Variants in KDELR2 observed in about 807,000 individuals in gnomAD.
The protein encoded by KDELR2 is KDEL endoplasmic reticulum protein retention receptor 2, also known as ER lumen protein-retaining receptor 2.
In KDELR2, 15 loss-of-function variants were observed where a neutral mutation model predicts 23.9. The observed-to-expected ratio is 0.63, with a 90% CI of 0.42 to 0.97. The LOEUF is 0.97. KDELR2 is among the 50% of genes least tolerant of loss of function. The pLI, the probability that KDELR2 is intolerant of heterozygous loss-of-function variation, is 0.00. For missense variants in KDELR2, 272 were observed against 254.6 expected (o/e 1.07, Z -0.46); for synonymous variants, 119 against 106.2 (o/e 1.12, Z -0.74).
intron 1 of KDELR2, among the ~76,000 whole-genome samples, chr7:6,476,229 A>G (rs978811706): frequency 6.6e-5 from 10 of 152,218 alleles, no homozygotes; most frequent in Non-Finnish European, 1.3e-4. Flanking sequence ...ATAGAAATGG[A>G]AAAAAATGTT....
intron 2 of KDELR2, among the ~76,000 whole-genome samples, chr7:6,472,932 C>T (rs1307705825): frequency 4.2e-5 from 6 of 141,998 alleles, no homozygotes; most frequent in African/African-American, 1.6e-4. Flanking sequence ...CAGGATCCTG[C>T]TCTGTCACCC....
chr7:6,482,737 AATT>A, intron 1 of KDELR2: 2 of 259,900 alleles, frequency 7.7e-6, no homozygotes, highest in South Asian at 7.2e-5. Flanking sequence ...GTTCAACAAA[AATT>A]ATTTTGCCGA....
chr7:6,463,967 C>G (rs545380858), intron 4 of KDELR2, among the ~76,000 whole-genome samples: 9 of 121,838 alleles, frequency 7.4e-5, no homozygotes, highest in African/African-American at 2.2e-4. Context: ...GAGGCTGAGG[C>G]AGGAGGATCA....
At chr7:6,483,702 C>T (rs1291487605) in intron 1 of KDELR2, among the ~76,000 whole-genome samples, 1 of 152,210 alleles carries the variant, frequency 6.6e-6, no homozygotes, top group African/African-American at 2.4e-5. Flanking sequence ...AGCAGGGCCC[C>T]GCGCAGCCGG....
chr7:6,464,230 A>T (rs1370175290), intron 4 of KDELR2, among the ~76,000 whole-genome samples: 6 of 104,588 alleles, frequency 5.7e-5, no homozygotes, highest in Middle Eastern at 6.9e-3. Context: ...AAAAAAAAAA[A>T]AAAAAAAAAG....
chr7:6,464,941 G>C (rs1265471311), intron 4 of KDELR2, among the ~76,000 whole-genome samples: 1 of 151,700 alleles, frequency 6.6e-6, no homozygotes, highest in African/African-American at 2.4e-5. Flanking sequence ...TCGCCATGTT[G>C]GTCAGGCTAG....
rs200179757 is a variant in KDELR2, at chr7:6,469,604, G to A, written c.343C>T (p.Pro115Ser). ...LSFLVNHDFS[P>S]LEILWTFSIY... is the part of the protein sequence containing the mutation. ...TAACCTTTTAAACTAACCTCAAGAG[G>A]AGAGAAATCGTGATTAACTAAAAAT... The change falls in exon 3 of 5, where the codon CCT becomes TCT. Residue 115 changes from proline (P) to serine (S), a missense_variant. By Grantham distance (74) the Pro-to-Ser change is moderately conservative (BLOSUM62 -1). Transcript: ENST00000258739. 220 of 1,613,718 alleles carry A rather than the reference G, an allele frequency of 1.4e-4. 1 individual carries two copies. The highest frequency in any genetic ancestry group is 1.7e-4 in the Non-Finnish European group (206 of 1,179,932).
In KDELR2 at chr7:6,466,452, GAAC is replaced by G. The variant is rs1044480939; in HGVS notation, c.352-132_352-130del. ...GAGTGGGGCATGTCGGCCCAAAATA[GAAC>G]AACAGCTTGGCAACTGCATAACCCA... On this transcript the variant is annotated intron_variant, in intron 3 of 4. Coordinates refer to ENST00000258739, the MANE Select transcript of KDELR2 (RefSeq NM_006854.4). 124 of 1,121,048 alleles carry G rather than the reference GAAC, an allele frequency of 1.1e-4. No individual in the cohort carries two copies. In the Admixed American group the frequency reaches 1.8e-3, roughly 17 times the overall value. 69.4% of individuals were successfully genotyped at this position (1,121,048 alleles called of 1,614,324 possible). A position where few individuals can be genotyped will look rare whatever the true frequency, so the allele number is the denominator to read the frequency against.
In KDELR2 at chr7:6,466,251, C is replaced by T. The variant is rs1248611012; in HGVS notation, c.424G>A (p.Gly142Arg). The change falls in exon 4 of 5, where the codon GGG becomes AGG. Residue 142 changes from glycine to arginine, a missense_variant. Gly to Arg is a moderately radical substitution (Grantham distance 125). Transcript: ENST00000258739. ...TGGGTGGTGATGGTCTCGGCCTCCC[C>T]AGTCTTGCTGATCATAAATAGCTGC... ...LPQLFMISKT[G>R]EAETITTHYL... is the part of the protein sequence containing the mutation. The T allele has an allele frequency of 1.9e-6, 3 of 1,614,080 alleles. No individual in the cohort carries two copies. Among genetic ancestry groups the T allele is most frequent in the Non-Finnish European group, 2.5e-6 (3 of 1,179,982 alleles).
chr7:6,481,716 G>A (rs1278516797), intron 1 of KDELR2, among the ~76,000 whole-genome samples: 1 of 151,924 alleles, frequency 6.6e-6, no homozygotes, highest in Non-Finnish European at 1.5e-5. Context: ...TGAGACATCG[G>A]TCCCACTGTT....
intron 4 of KDELR2, among the ~76,000 whole-genome samples, chr7:6,465,332 C>T (rs956123199): frequency 1.3e-4 from 19 of 151,804 alleles, no homozygotes. Flanking sequence ...TACAGGCGCC[C>T]ACCACCACGC....
In KDELR2 at chr7:6,467,040, A is replaced by T. The variant is rs151047244; in HGVS notation, c.352-717T>A. Among the ~76,000 whole-genome samples, 1,219 of 152,292 alleles carry T rather than the reference A, an allele frequency of 8.0e-3. 22 individuals carry two copies. The highest frequency in any genetic ancestry group is 0.017 in the African/African-American group (700 of 41,562). ...AAACTTAAGCAACCTTTAAGAGGCA[A>T]GGCACTGCCAGTGTGACAAGCTGGG... On this transcript the variant is annotated intron_variant, in intron 3 of 4. Transcript: ENST00000258739.
intron 4 of KDELR2, among the ~76,000 whole-genome samples, chr7:6,465,782 G>A (rs1322198155): frequency 3.3e-5 from 5 of 152,170 alleles, no homozygotes; most frequent in African/African-American, 9.7e-5. Flanking sequence ...TACAGTTTAA[G>A]TCATGTGTCT....
chr7:6,478,626 G>C (rs1248665851), intron 1 of KDELR2, among the ~76,000 whole-genome samples: 9 of 152,026 alleles, frequency 5.9e-5, no homozygotes, highest in Non-Finnish European at 8.8e-5. Flanking sequence ...ATTTCACTCA[G>C]TTTATTGTCT....
At chr7:6,475,264 A>G (rs1356029685) in intron 1 of KDELR2, among the ~76,000 whole-genome samples, 1 of 152,050 alleles carries the variant, frequency 6.6e-6, no homozygotes, top group Non-Finnish European at 1.5e-5. Flanking sequence ...ATCTCTACGA[A>G]AAATAGAAAA....
Position 6,461,099 on chromosome 7 carries a change from G to A in KDELR2, c.*2042C>T, listed in dbSNP as rs1409540207. 2.6e-5 allele frequency: 4 copies of A among 152,108 alleles called. No homozygotes were observed. The highest frequency in any genetic ancestry group is 4.4e-5 in the Non-Finnish European group (3 of 68,022). 9.4% of individuals were successfully genotyped at this position (152,108 alleles called of 1,614,324 possible). A position where few individuals can be genotyped will look rare whatever the true frequency, so the allele number is the denominator to read the frequency against. On this transcript the variant is annotated 3_prime_UTR_variant, in exon 5 of 5. Coordinates refer to ENST00000258739, the MANE Select transcript of KDELR2 (RefSeq NM_006854.4). ...ACCTCAATAAAAATATTAATTACCT[G>A]GTAACCTTTATTCGGGAAGTGAAAG...
chr7:6,472,570 T>C lies in KDELR2; in HGVS notation c.192+1614A>G, dbSNP rs577064448. Among the ~76,000 whole-genome samples, 3 of 152,296 alleles carry C rather than the reference T, an allele frequency of 2.0e-5. No homozygotes were observed. The South Asian group carries it at 6.2e-4, about 32-fold the overall frequency. ...ACCTAACCATTTTTAAGTAAGCTCA[T>C]TATTTCCTGAATACTAGGTTCCCAT... On this transcript the variant is annotated intron_variant, in intron 2 of 4. Coordinates refer to ENST00000258739, the MANE Select transcript of KDELR2 (RefSeq NM_006854.4).
At chr7:6,480,142 T>C (rs2115334437) in intron 1 of KDELR2, among the ~76,000 whole-genome samples, 1 of 151,842 alleles carries the variant, frequency 6.6e-6, no homozygotes, top group East Asian at 1.9e-4. Context: ...AGGCCCGGGG[T>C]CGTGGATCTC....
chr7:6,481,523 G>C (rs1785890786), intron 1 of KDELR2, among the ~76,000 whole-genome samples: 1 of 152,074 alleles, frequency 6.6e-6, no homozygotes, highest in African/African-American at 2.4e-5. Context: ...GGAAGAAAAT[G>C]AAGAGACTCA....
Sources: allele counts gnomAD v4.1 joint callset (sites outside exome capture counted in the v4.1 genomes callset), GRCh38; gene constraint gnomAD v4.1.1; transcripts MANE v1.5; gene names NCBI Gene and HGNC (gene_info 2026-07-23, HGNC 2026-07-21).